PGGT1B: variants seen among roughly 807,000 people sequenced by gnomAD.
PGGT1B encodes geranylgeranyl transferase type-1 subunit beta.
Under a neutral mutation model 46.1 loss-of-function variants are expected in PGGT1B, and 30 were observed. The observed-to-expected ratio is 0.65, with a 90% confidence interval of 0.49 to 0.88. The LOEUF (loss-of-function observed/expected upper bound fraction) is 0.88. Ranked by LOEUF, PGGT1B falls within the 40% of genes least tolerant of loss-of-function variation. The probability of loss-of-function intolerance (pLI) is 0.00; values close to 1 mark genes in which losing one functional copy is unlikely to be tolerated. For missense variants in PGGT1B, 376 were observed against 455.9 expected, an observed-to-expected ratio of 0.82 and a Z score of 1.60; for synonymous variants, 170 against 160.0, an observed-to-expected ratio of 1.06 and a Z score of -0.47.
intron 2 of PGGT1B, among the ~76,000 whole-genome samples, chr5:115,247,334 A>G (rs1747893893): frequency 6.6e-6 from 1 of 152,188 alleles, no homozygotes; most frequent in African/African-American, 2.4e-5. Context: ...ATTCAAAATT[A>G]TATTTAGGTA....
intron 2 of PGGT1B, among the ~76,000 whole-genome samples, chr5:115,244,826 A>G (rs1278589337): frequency 6.6e-6 from 1 of 151,972 alleles, no homozygotes; most frequent in East Asian, 1.9e-4. Flanking sequence ...CCTGACCTCA[A>G]GTGATCTGCC....
At chr5:115,221,680 G>A in intron 7 of PGGT1B, 144 bp downstream of exon 7, 1 of 460,336 alleles carries the variant, frequency 2.2e-6, no homozygotes, top group Non-Finnish European at 3.8e-6. Flanking sequence ...AAACCATACA[G>A]AGACTAGCTT....
At chr5:115,230,034 G>A (rs1360826662) in intron 6 of PGGT1B, among the ~76,000 whole-genome samples, 2 of 152,016 alleles carry the variant, frequency 1.3e-5, no homozygotes, top group Non-Finnish European at 2.9e-5. Flanking sequence ...TGGGATTAAG[G>A]AATATTTGTT....
At chr5:115,225,041 A>G (rs1438129325) in intron 6 of PGGT1B, among the ~76,000 whole-genome samples, 1 of 152,212 alleles carries the variant, frequency 6.6e-6, no homozygotes, top group Non-Finnish European at 1.5e-5. Flanking sequence ...CAAGAATACT[A>G]TATCATTATA....
chr5:115,256,171 TGGA>T (rs1304620640), intron 1 of PGGT1B, among the ~76,000 whole-genome samples: 1 of 152,048 alleles, frequency 6.6e-6, no homozygotes, highest in Non-Finnish European at 1.5e-5. Context: ...GTTGTCACAG[TGGA>T]GGAGGGAGTT....
intron 3 of PGGT1B, among the ~76,000 whole-genome samples, chr5:115,239,437 C>T (rs1036218009): frequency 6.6e-6 from 1 of 152,158 alleles, no homozygotes; most frequent in East Asian, 1.9e-4. Flanking sequence ...AACTCAAGCT[C>T]TAGTTCTCCT....
intron 6 of PGGT1B, among the ~76,000 whole-genome samples, chr5:115,222,815 G>A (rs903328066): frequency 1.3e-5 from 2 of 152,224 alleles, no homozygotes; most frequent in Non-Finnish European, 2.9e-5. Flanking sequence ...CACGTCCTTT[G>A]TAGGGACACG....
At chr5:115,250,249 T>C (rs183952766) in intron 2 of PGGT1B, among the ~76,000 whole-genome samples, 1 of 152,164 alleles carries the variant, frequency 6.6e-6, no homozygotes, top group African/African-American at 2.4e-5. Flanking sequence ...GACCTATGAG[T>C]TGCAGAAAGC....
intron 2 of PGGT1B, among the ~76,000 whole-genome samples, chr5:115,248,572 C>T (rs1747953810): frequency 6.6e-6 from 1 of 152,226 alleles, no homozygotes; most frequent in Admixed American, 6.5e-5. Context: ...CTCCAGTGGT[C>T]TCACCATACA....
At chr5:115,228,005 C>G (rs920665728) in intron 6 of PGGT1B, among the ~76,000 whole-genome samples, 5 of 152,196 alleles carry the variant, frequency 3.3e-5, no homozygotes, top group South Asian at 2.1e-4. Context: ...AAATTAAACT[C>G]AAAATTCCAG....
intron 2 of PGGT1B, among the ~76,000 whole-genome samples, chr5:115,241,954 G>A (rs926227635): frequency 6.6e-6 from 1 of 152,134 alleles, no homozygotes; most frequent in African/African-American, 2.4e-5. Flanking sequence ...CAGAAGCCCA[G>A]AGGTTAAGTG....
intron 1 of PGGT1B, among the ~76,000 whole-genome samples, chr5:115,254,638 C>T (rs1748239447): frequency 2.0e-5 from 3 of 149,306 alleles, no homozygotes; most frequent in African/African-American, 2.5e-5. Context: ...TCGCTCTGAT[C>T]CCTGGTGGAA....
At chr5:115,261,805 C>T (rs762121692) in intron 1 of PGGT1B, among the ~76,000 whole-genome samples, 1 of 152,208 alleles carries the variant, frequency 6.6e-6, no homozygotes, top group Non-Finnish European at 1.5e-5. Context: ...TCTATATACT[C>T]CTATGAACAC....
intron 1 of PGGT1B, among the ~76,000 whole-genome samples, chr5:115,254,675 C>T (rs893627944): frequency 6.6e-6 from 1 of 150,530 alleles, no homozygotes; most frequent in South Asian, 2.1e-4. Context: ...CATTAGATAA[C>T]AGGAGGAGAT....
chr5:115,207,170 C>CA lies in PGGT1B; in HGVS notation c.*5231dup. 2.6e-5 allele frequency: 1 copy of CA among 39,010 alleles called. No homozygotes were observed. Among genetic ancestry groups the CA allele is most frequent in the Admixed American group, 2.1e-4 (1 of 4,844 alleles). The allele number at this position is 39,010 out of a possible 1,614,324, so 2.4% of individuals were successfully genotyped here. A position where few individuals can be genotyped will look rare whatever the true frequency, so the allele number is the denominator to read the frequency against. On this transcript the variant is annotated 3_prime_UTR_variant, in exon 9 of 9. Transcript: ENST00000419445. ...GTATCTTCTAACTAGTTTAGGTTTG[C>CA]ATATACATACATATATATATATATA...
intron 8 of PGGT1B, among the ~76,000 whole-genome samples, chr5:115,215,430 T>C (rs750728785): frequency 6.6e-6 from 1 of 152,000 alleles, no homozygotes; most frequent in Admixed American, 6.6e-5. Context: ...TCCCAAGTAG[T>C]TGGGATTACA....
intron 2 of PGGT1B, among the ~76,000 whole-genome samples, chr5:115,242,296 G>C (rs752618424): frequency 6.6e-6 from 1 of 152,002 alleles, no homozygotes; most frequent in Non-Finnish European, 1.5e-5. Flanking sequence ...GAACTTGAAA[G>C]AACAATCAAC....
Position 115,205,890 on chromosome 5 carries a change from G to A in PGGT1B, c.*6512C>T, listed in dbSNP as rs1358687688. On this transcript the variant is annotated 3_prime_UTR_variant, in exon 9 of 9. Coordinates refer to ENST00000419445, the MANE Select transcript of PGGT1B (RefSeq NM_005023.4). ...CAAATGGGCAATTATACATTTTCAA[G>A]GATCTCACAGCAATATTTTTGTAGT... 1.3e-5 allele frequency: 2 copies of A among 151,532 alleles called. No individual in the cohort carries two copies. The highest frequency in any genetic ancestry group is 2.9e-5 in the Non-Finnish European group (2 of 67,866). The allele number at this position is 151,532 out of a possible 1,614,324, so 9.4% of individuals were successfully genotyped here.
At chr5:115,244,189 G>C (rs1463705273) in intron 2 of PGGT1B, among the ~76,000 whole-genome samples, 1 of 152,100 alleles carries the variant, frequency 6.6e-6, no homozygotes, top group Non-Finnish European at 1.5e-5. Context: ...ACACAGGTTG[G>C]GCGCGGTGGC....
Sources: allele counts gnomAD v4.1 joint callset (sites outside exome capture counted in the v4.1 genomes callset), GRCh38; gene constraint gnomAD v4.1.1; transcripts MANE v1.5; gene names NCBI Gene and HGNC (gene_info 2026-07-23, HGNC 2026-07-21).